SNED1: variants seen among roughly 807,000 people sequenced by gnomAD.
SNED1 encodes sushi, nidogen and EGF-like domain-containing protein 1.
A neutral mutation model predicts 166.7 loss-of-function variants in SNED1; 81 were observed. The ratio of observed to expected loss-of-function variants is 0.49; its 90% CI spans 0.41 to 0.58. The LOEUF is 0.58. Among genes scored for constraint, SNED1 ranks in the 20% least tolerant of loss-of-function variants. The pLI is 0.00. For missense variants in SNED1, 1,604 were observed against 2,000.2 expected (o/e 0.80, Z 3.78); for synonymous variants, 762 against 822.0 (o/e 0.93, Z 1.25).
intron 4 of SNED1, 149 bp from the exon 5 acceptor site, chr2:241,036,641 C>G: frequency 9.6e-7 from 1 of 1,047,076 alleles, no homozygotes; most frequent in Admixed American, 2.2e-5. Flanking sequence ...AAAGTGAAAC[C>G]TGAAACCTGG....
In SNED1 at chr2:241,081,684, T is replaced by C; in HGVS notation, c.3924T>C (p.Pro1308=). Reference sequence around the variant, plus strand: ...CGTGACCTCTGTTTCCAGACGTCCCTGGCAACTGTTCAGAAAACCCCTGTC... The same window carrying C: ...CGTGACCTCTGTTTCCAGACGTCCCCGGCAACTGTTCAGAAAACCCCTGTC... The part of the protein sequence containing the change: ...EHGSKDIGNV[P]GNCSENPCQN... Residue 1308 remains proline, a synonymous_variant, in exon 28 of 32, where the codon CCT becomes CCC. Transcript: ENST00000310397. 6.2e-7 allele frequency: 1 copy of C among 1,602,502 alleles called. No individual in the cohort carries two copies. Among genetic ancestry groups the C allele is most frequent in the Non-Finnish European group, 8.5e-7 (1 of 1,174,506 alleles).
intron 28 of SNED1, 85 bp downstream of exon 28, chr2:241,081,878 C>A: frequency 9.7e-7 from 1 of 1,035,038 alleles, no homozygotes; most frequent in Non-Finnish European, 1.5e-6. Context: ...CTGGGTTTGC[C>A]ACGGGAGCCT....
At chr2:241,081,009 AG>A (rs2063301682) in intron 27 of SNED1, among the ~76,000 whole-genome samples, 1 of 152,234 alleles carries the variant, frequency 6.6e-6, no homozygotes, top group African/African-American at 2.4e-5. Flanking sequence ...ATCAGGTGCA[AG>A]GCCCGTGGGG....
At position 241,075,417 on chromosome 2, in the gene SNED1, G is replaced by A. The variant is rs1041167405; in HGVS notation, c.3916+2053G>A. On this transcript the variant is annotated intron_variant, in intron 27 of 31. Coordinates refer to ENST00000310397, the MANE Select transcript of SNED1 (RefSeq NM_001080437.3). The surrounding 1 kb of genome is among the most constrained non-coding windows in gnomAD (Gnocchi z 4.8). The stretch of plus-strand genomic sequence containing the variant: ...GTTTGCAGATCCTACAGGCAGAACG[G>A]GTGGGATGCACACCCCTGGGATCTG... 2 of 152,176 alleles carry A rather than the reference G, an allele frequency of 1.3e-5. No individual in the cohort carries two copies. Among genetic ancestry groups the A allele is most frequent in the Admixed American group, 6.5e-5 (1 of 15,280 alleles). 9.4% of individuals were successfully genotyped at this position (152,176 alleles called of 1,614,324 possible).
At chr2:241,089,480 G>A (rs2063768067) in intron 31 of SNED1, 4 of 1,516,682 alleles carry the variant, frequency 2.6e-6, no homozygotes, top group Non-Finnish European at 3.5e-6. Flanking sequence ...CACCCCCTTG[G>A]GGGAAAGGTC....
chr2:241,049,806 C>G lies in SNED1; in HGVS notation c.1619-11C>G, dbSNP rs2061774538. The stretch of plus-strand genomic sequence containing the variant: ...TAAGCTCCAGGACCACCCTCTGTCC[C>G]CCGCCCCCAGCCCTGCCATCACCCT... On this transcript the variant is annotated splice_polypyrimidine_tract_variant and intron_variant, in intron 11 of 31. Coordinates refer to ENST00000310397, the MANE Select transcript of SNED1 (RefSeq NM_001080437.3). 1.2e-6 allele frequency: 2 copies of G among 1,608,460 alleles called. No homozygotes were observed. The highest frequency in any genetic ancestry group is 1.7e-6 in the Non-Finnish European group (2 of 1,175,398).
At position 241,081,674 on chromosome 2, in the gene SNED1, C is replaced by T. The variant is rs1291358329; in HGVS notation, c.3917-3C>T. 7 of 1,592,304 alleles carry T rather than the reference C, an allele frequency of 4.4e-6. No individual in the cohort carries two copies. The highest frequency in any genetic ancestry group is 6.0e-6 in the Non-Finnish European group (7 of 1,168,844). On this transcript the variant is annotated splice_polypyrimidine_tract_variant and splice_region_variant and intron_variant, in intron 27 of 31. Transcript: ENST00000310397. ...ACTAACCTCTCGTGACCTCTGTTTCCAGACGTCCCTGGCAACTGTTCAGAA... is the reference window on the plus strand; with the variant it reads ...ACTAACCTCTCGTGACCTCTGTTTCTAGACGTCCCTGGCAACTGTTCAGAA...
intron 1 of SNED1, among the ~76,000 whole-genome samples, chr2:241,002,573 C>T (rs58510131): frequency 0.044 from 6,744 of 152,116 alleles, 328 homozygotes; most frequent in African/African-American, 0.12. Flanking sequence ...GGGCTGGAGT[C>T]GAGGAGGATG....
chr2:241,040,257 G>A, intron 7 of SNED1, 43 bp from the exon 8 acceptor site: 3 of 1,572,214 alleles, frequency 1.9e-6, no homozygotes, highest in Non-Finnish European at 2.6e-6. Context: ...CAGGGTGGTT[G>A]TGGCCTGGCT....
At position 240,998,970 on chromosome 2, in the gene SNED1, A is replaced by T; in HGVS notation, c.133A>T (p.Lys45Ter). 7.6e-7 allele frequency: 1 copy of T among 1,321,806 alleles called. No individual in the cohort carries two copies. Among genetic ancestry groups the T allele is most frequent in the South Asian group, 1.8e-5 (1 of 54,540 alleles). 81.9% of individuals were successfully genotyped at this position (1,321,806 alleles called of 1,614,324 possible). A position where few individuals can be genotyped will look rare whatever the true frequency, so the allele number is the denominator to read the frequency against. ...GAERGDAVTP[K>*]QDDGGSGLRP... ...CGAGCGCGGCGACGCCGTCACCCCC[A>T]AGCAGGACGACGGCGGCTCGGGGCT... The change falls in exon 1 of 32, where the codon AAG becomes TAG. Residue 45 changes from lysine to a stop codon, truncating the protein, a stop_gained. Coordinates refer to ENST00000310397, the MANE Select transcript of SNED1 (RefSeq NM_001080437.3). LOFTEE classifies it high-confidence loss of function.
chr2:241,016,852 T>C (rs2060610972), intron 1 of SNED1, among the ~76,000 whole-genome samples: 1 of 74,954 alleles, frequency 1.3e-5, no homozygotes, highest in South Asian at 3.5e-4. Context: ...CTTTCTTTCT[T>C]TTTTTTTTTT....
chr2:241,023,115 T>A (rs562300637), intron 1 of SNED1, among the ~76,000 whole-genome samples: 2 of 152,282 alleles, frequency 1.3e-5, no homozygotes, highest in Non-Finnish European at 2.9e-5. Flanking sequence ...TACATGATTT[T>A]ATTTACTAAA....
intron 1 of SNED1, among the ~76,000 whole-genome samples, chr2:241,003,864 C>T (rs1246706420): frequency 6.6e-6 from 1 of 152,234 alleles, no homozygotes; most frequent in Non-Finnish European, 1.5e-5. Flanking sequence ...CACACAGGAG[C>T]AGCAATTTGT....
intron 16 of SNED1, among the ~76,000 whole-genome samples, chr2:241,059,777 TA>T (rs1195665764): frequency 1.3e-5 from 2 of 152,220 alleles, no homozygotes; most frequent in African/African-American, 4.8e-5. Flanking sequence ...CTCAACCTGA[TA>T]AAGGACATCC....
At chr2:241,001,420 T>C (rs1029723724) in intron 1 of SNED1, among the ~76,000 whole-genome samples, 1 of 152,226 alleles carries the variant, frequency 6.6e-6, no homozygotes, top group Non-Finnish European at 1.5e-5. Context: ...AAGGGACCCA[T>C]TGTTTTGCTT....
At chr2:241,081,299 T>C (rs1325358119) in intron 27 of SNED1, among the ~76,000 whole-genome samples, 1 of 151,164 alleles carries the variant, frequency 6.6e-6, no homozygotes, top group Non-Finnish European at 1.5e-5. Context: ...GCAGAAACCG[T>C]GTTCAGGGGC....
rs1481183057 is a variant in SNED1 at position 241,064,765 on chromosome 2, G to A, written c.2600-79G>A. 7.8e-6 allele frequency: 8 copies of A among 1,024,222 alleles called. No individual in the cohort carries two copies. The highest frequency in any genetic ancestry group is 1.7e-5 in the African/African-American group (1 of 58,668). 63.4% of individuals were successfully genotyped at this position (1,024,222 alleles called of 1,614,324 possible). A position where few individuals can be genotyped will look rare whatever the true frequency, so the allele number is the denominator to read the frequency against. On this transcript the variant is annotated intron_variant, in intron 19 of 31. Transcript: ENST00000310397. The surrounding 1 kb of genome is among the most constrained non-coding windows in gnomAD (Gnocchi z 7.0). ...CACACCCACGCAGGAGGGACCCAGT[G>A]CCCCAGGAGCAAGGGCGGGGCTGGA...
At chr2:241,032,319 C>T (rs1410710858) in intron 2 of SNED1, among the ~76,000 whole-genome samples, 5 of 152,130 alleles carry the variant, frequency 3.3e-5, no homozygotes, top group Non-Finnish European at 5.9e-5. Flanking sequence ...CACTGCACTC[C>T]GGCCTGGGTG....
At chr2:241,034,767 G>C (rs2061293121) in intron 4 of SNED1, 37 bp downstream of exon 4, 9 of 1,500,904 alleles carry the variant, frequency 6.0e-6, no homozygotes, top group Non-Finnish European at 8.1e-6. Flanking sequence ...GTGGGAGCGG[G>C]CTGAGGAAGG....
Sources: gnomAD v4.1 joint callset for allele counts (sites outside exome capture counted in the v4.1 genomes callset) on GRCh38, gnomAD v4.1.1 for gene constraint, Gnocchi (gnomAD v3.1) non-coding constraint, MANE v1.5 for transcripts, NCBI Gene and HGNC (gene_info 2026-07-23, HGNC 2026-07-21) for gene names.